Variants in USP8 observed in about 807,000 individuals in gnomAD.
USP8 encodes the protein ubiquitin specific peptidase 8, also known as ubiquitin carboxyl-terminal hydrolase 8.
Under a neutral mutation model 130.0 loss-of-function variants are expected in USP8, and 27 were observed. The observed-to-expected ratio is 0.21, with a 90% CI of 0.15 to 0.29. The LOEUF (loss-of-function observed/expected upper bound fraction) is 0.29. USP8 is among the 10% of genes least tolerant of loss of function. USP8 has a pLI of 1.00. For synonymous variants in USP8, 392 were observed against 444.1 expected (o/e 0.88, Z 1.48); for missense variants, 1,029 against 1,312.2 (o/e 0.78, Z 3.33).
rs2052721656 is a variant in USP8, at chr15:50,510,463, A to C, written c.*11375A>C. ...TGGATGGATTCTGGTCTTTGAAAAA[A>C]AATGCTACTAAAAAAAAAAACCTTG... On this transcript the variant is annotated 3_prime_UTR_variant, in exon 20 of 20. Coordinates refer to ENST00000307179, the MANE Select transcript of USP8 (RefSeq NM_005154.5). 6.6e-6 allele frequency: 1 copy of C among 152,156 alleles called. No individual in the cohort carries two copies. The highest frequency in any genetic ancestry group is 2.4e-5 in the African/African-American group (1 of 41,434). The allele number at this position is 152,156 out of a possible 1,614,324, so 9.4% of individuals were successfully genotyped here.
At chr15:50,476,316 G>T (rs193229694) in intron 8 of USP8, among the ~76,000 whole-genome samples, 216 of 152,310 alleles carry the variant, frequency 1.4e-3, no homozygotes, top group Admixed American at 4.6e-3. Flanking sequence ...GTAAGTCCCA[G>T]CTACTGGGAA....
Position 50,512,335 on chromosome 15 carries a change from A to G in USP8, c.*13247A>G, listed in dbSNP as rs2052749229. Reference sequence around the variant, plus strand: ...AGAGCAAGACTCTGTTAAAAAAAAAAAAAATAGCGAGAGATCGAGAGAGAG... The same window carrying G: ...AGAGCAAGACTCTGTTAAAAAAAAAGAAAATAGCGAGAGATCGAGAGAGAG... On this transcript the variant is annotated 3_prime_UTR_variant, in exon 20 of 20. Coordinates refer to ENST00000307179, the MANE Select transcript of USP8 (RefSeq NM_005154.5). 6.6e-6 allele frequency: 1 copy of G among 151,902 alleles called. No individual in the cohort carries two copies. The highest frequency in any genetic ancestry group is 2.4e-5 in the African/African-American group (1 of 41,140). 9.4% of individuals were successfully genotyped at this position (151,902 alleles called of 1,614,324 possible). A position where few individuals can be genotyped will look rare whatever the true frequency, so the allele number is the denominator to read the frequency against.
rs1022495273 is a variant in USP8 at position 50,495,960 on chromosome 15, C to T, written c.2771C>T (p.Ala924Val). ...CAGCTCAATGAGTCTATTATTGTTG[C>T]ACTTTTTCAGGGTCAATTCAAATCT... is the stretch of plus-strand genomic sequence containing the variant. ...HKQLNESIIV[A>V]LFQGQFKSTV... is the part of the protein sequence containing the mutation. Residue 924 changes from alanine to valine, a missense_variant, in exon 17 of 20, where the codon GCA (alanine) becomes GTA (valine). Physicochemically the swap from Ala to Val is moderately conservative, Grantham distance 64 (BLOSUM62 0). Coordinates refer to ENST00000307179, the MANE Select transcript of USP8 (RefSeq NM_005154.5). 2 of 1,613,844 alleles carry T rather than the reference C, an allele frequency of 1.2e-6. No homozygotes were observed. The highest frequency in any genetic ancestry group is 1.7e-6 in the Non-Finnish European group (2 of 1,180,012).
chr15:50,482,673 A>G (rs1045953284), intron 11 of USP8, among the ~76,000 whole-genome samples: 1 of 152,102 alleles, frequency 6.6e-6, no homozygotes, highest in African/African-American at 2.4e-5. Flanking sequence ...TAATAATGCT[A>G]TGCTTTTCTT....
chr15:50,426,063 G>T (rs1211103591), intron 1 of USP8, among the ~76,000 whole-genome samples: 1 of 152,214 alleles, frequency 6.6e-6, no homozygotes, highest in African/African-American at 2.4e-5. Context: ...GAAGGTTGCA[G>T]TGAGCCGAGA....
chr15:50,497,053 A>G lies in USP8; in HGVS notation c.2896-36A>G, dbSNP rs556801302. On this transcript the variant is annotated intron_variant, in intron 17 of 19. Transcript: ENST00000307179. ...CTCTCTGACATTATTGAAGAATCGA[A>G]TTAACGAGTATCTGCTACTTGTTTT... The G allele has an allele frequency of 1.2e-5, 19 of 1,572,246 alleles. No individual in the cohort carries two copies. In the African/African-American group the frequency reaches 2.5e-4, roughly 21 times the overall value.
intron 1 of USP8, among the ~76,000 whole-genome samples, chr15:50,433,818 G>T (rs1229811234): frequency 6.6e-6 from 1 of 152,220 alleles, no homozygotes; most frequent in East Asian, 1.9e-4. Flanking sequence ...TGTTAGCCAG[G>T]ATGGTCTTGA....
At position 50,500,740 on chromosome 15, in the gene USP8, T is replaced by C. The variant is rs1281394326; in HGVS notation, c.*1652T>C. 1.3e-6 allele frequency: 2 copies of C among 1,566,222 alleles called. No homozygotes were observed. Among genetic ancestry groups the C allele is most frequent in the Admixed American group, 3.8e-5 (2 of 52,922 alleles). ...ATTTTGAACAGAAGTATCTGGAATC[T>C]CACTGACTCGTGTGTTATCAAAGCT... is the stretch of plus-strand genomic sequence containing the variant. On this transcript the variant is annotated 3_prime_UTR_variant, in exon 20 of 20. Coordinates refer to ENST00000307179, the MANE Select transcript of USP8 (RefSeq NM_005154.5).
rs2052665948 is a variant in USP8, at chr15:50,506,786, C to T, written c.*7698C>T. On this transcript the variant is annotated 3_prime_UTR_variant, in exon 20 of 20. Transcript: ENST00000307179. Reference sequence around the variant, plus strand: ...TATCCTGGCCAACACGGTGAAACCTCATCTCTACAAAAATACAAAAAATTA... The same window carrying T: ...TATCCTGGCCAACACGGTGAAACCTTATCTCTACAAAAATACAAAAAATTA... 1 of 151,496 alleles carries T rather than the reference C, an allele frequency of 6.6e-6. No individual in the cohort carries two copies. Among genetic ancestry groups the T allele is most frequent in the African/African-American group, 2.4e-5 (1 of 41,134 alleles). The allele number at this position is 151,496 out of a possible 1,614,324, so 9.4% of individuals were successfully genotyped here.
intron 4 of USP8, among the ~76,000 whole-genome samples, chr15:50,451,976 C>T (rs567451395): frequency 3.3e-5 from 5 of 152,316 alleles, no homozygotes; most frequent in South Asian, 2.1e-4. Context: ...TCTATGACCA[C>T]GGAGGCGTGT....
chr15:50,464,990 A>T, intron 6 of USP8, 57 bp from the exon 7 acceptor site: 8 of 1,587,500 alleles, frequency 5.0e-6, no homozygotes, highest in Non-Finnish European at 6.9e-6. Context: ...GTGTTTTGTG[A>T]TGTCAGCACA....
chr15:50,438,459 G>T (rs147248548), intron 1 of USP8, among the ~76,000 whole-genome samples: 1 of 152,168 alleles, frequency 6.6e-6, no homozygotes, highest in Non-Finnish European at 1.5e-5. Flanking sequence ...GGTGGCGAAC[G>T]CCTGGAATTC....
chr15:50,492,765 C>T lies in USP8; in HGVS notation c.2299C>T (p.Pro767Ser). Reference protein sequence around the residue: ...LSASQIRNLNPVFGGSGPALT... With the variant: ...LSASQIRNLNSVFGGSGPALT... Reference sequence around the variant, plus strand: ...TGCTTCTCAGATTCGGAACCTCAATCCTGTTTTTGGAGGTTCTGGACCAGC... The same window carrying T: ...TGCTTCTCAGATTCGGAACCTCAATTCTGTTTTTGGAGGTTCTGGACCAGC... The change falls in exon 15 of 20, where the codon CCT becomes TCT. Residue 767 changes from proline (P) to serine (S), a missense_variant. Transcript: ENST00000307179. The T allele has an allele frequency of 6.2e-7, 1 of 1,614,116 alleles. No individual in the cohort carries two copies. Among genetic ancestry groups the T allele is most frequent in the South Asian group, 1.1e-5 (1 of 91,082 alleles).
In USP8 at chr15:50,513,609, A is replaced by G. The variant is rs928537872; in HGVS notation, c.*14521A>G. ...AAGATTTAAAAAGAACTACAATTCCATAAGAAAAAGGCAGGCCACAGAATA... is the reference window on the plus strand; with the variant it reads ...AAGATTTAAAAAGAACTACAATTCCGTAAGAAAAAGGCAGGCCACAGAATA... On this transcript the variant is annotated 3_prime_UTR_variant, in exon 20 of 20. Coordinates refer to ENST00000307179, the MANE Select transcript of USP8 (RefSeq NM_005154.5). 6.6e-6 allele frequency: 1 copy of G among 152,090 alleles called. No homozygotes were observed. The highest frequency in any genetic ancestry group is 1.9e-4 in the East Asian group (1 of 5,198). 9.4% of individuals were successfully genotyped at this position (152,090 alleles called of 1,614,324 possible).
chr15:50,456,304 G>T (rs1035605550), intron 4 of USP8, among the ~76,000 whole-genome samples: 3 of 152,184 alleles, frequency 2.0e-5, no homozygotes, highest in African/African-American at 7.2e-5. Flanking sequence ...AGGCGGGGTG[G>T]CTCATGCCTG....
Position 50,470,603 on chromosome 15 carries a change from T to C in USP8, c.687-1030T>C, listed in dbSNP as rs1288369855. ...GGCAGGCCATTGTGAGGACTTTAGCTTTTTTTTTTTTTTTTTTGAGACAGA... is the reference window on the plus strand; with the variant it reads ...GGCAGGCCATTGTGAGGACTTTAGCCTTTTTTTTTTTTTTTTTGAGACAGA... On this transcript the variant is annotated intron_variant, in intron 7 of 19. Coordinates refer to ENST00000307179, the MANE Select transcript of USP8 (RefSeq NM_005154.5). Among the ~76,000 whole-genome samples, 5 of 98,048 alleles carry C rather than the reference T, an allele frequency of 5.1e-5. No individual in the cohort carries two copies. In the Admixed American group the frequency reaches 6.8e-4, roughly 13 times the overall value. 64.3% of individuals were successfully genotyped at this position (98,048 alleles called of 152,430 possible).
intron 13 of USP8, 70 bp downstream of exon 13, chr15:50,489,951 T>C (rs2052098530): frequency 8.0e-7 from 1 of 1,252,256 alleles, no homozygotes; most frequent in Non-Finnish European, 1.1e-6. Flanking sequence ...TTATTTTACA[T>C]CTTCTGTAAT....
At chr15:50,470,260 C>T (rs370339015) in intron 7 of USP8, among the ~76,000 whole-genome samples, 4 of 152,234 alleles carry the variant, frequency 2.6e-5, no homozygotes, top group African/African-American at 9.6e-5. Flanking sequence ...ATAGGTAAGA[C>T]GTACAATAAA....
chr15:50,443,205 AT>A (rs1240871854), intron 3 of USP8, among the ~76,000 whole-genome samples: 11 of 151,566 alleles, frequency 7.3e-5, no homozygotes, highest in African/African-American at 2.4e-4. Flanking sequence ...TGCCTAGCTA[AT>A]TTTTTTGTAT....
Sources: allele counts gnomAD v4.1 joint callset (sites outside exome capture counted in the v4.1 genomes callset), GRCh38; gene constraint gnomAD v4.1.1; transcripts MANE v1.5; gene names NCBI Gene and HGNC (gene_info 2026-07-23, HGNC 2026-07-21).